Variants in LDLRAD4 observed in about 807,000 individuals in gnomAD.
LDLRAD4 encodes low density lipoprotein receptor class A domain containing 4.
Under a neutral mutation model 17.0 loss-of-function variants are expected in LDLRAD4, and 5 were observed. The ratio of observed to expected loss-of-function variants is 0.29; its 90% confidence interval spans 0.15 to 0.62. LDLRAD4 has a LOEUF of 0.62. LDLRAD4 is among the 20% of genes least tolerant of loss of function. The pLI is 0.84. For synonymous variants in LDLRAD4, 168 were observed against 171.8 expected (o/e 0.98, Z 0.17); for missense variants, 340 against 424.7 (o/e 0.80, Z 1.75).
intron 3 of LDLRAD4, among the ~76,000 whole-genome samples, chr18:13,525,893 T>A (rs1270200929): frequency 6.6e-6 from 1 of 152,250 alleles, no homozygotes; most frequent in Non-Finnish European, 1.5e-5. Flanking sequence ...CCACCCCCTT[T>A]ATCACTCTTC....
intron 3 of LDLRAD4, among the ~76,000 whole-genome samples, chr18:13,469,601 A>G (rs1245548611): frequency 6.6e-6 from 1 of 152,268 alleles, no homozygotes; most frequent in African/African-American, 2.4e-5. Context: ...TGCTAAGTGG[A>G]ATAAGCCAGT....
At chr18:13,410,635 C>G (rs1426727436) in intron 2 of LDLRAD4, among the ~76,000 whole-genome samples, 3 of 152,200 alleles carry the variant, frequency 2.0e-5, no homozygotes, top group Admixed American at 6.5e-5. Flanking sequence ...ATGGCCTACA[C>G]TGGACTTTGA....
intron 3 of LDLRAD4, among the ~76,000 whole-genome samples, chr18:13,591,673 A>G (rs2095031602): frequency 6.6e-6 from 1 of 152,176 alleles, no homozygotes; most frequent in South Asian, 2.1e-4. Flanking sequence ...GGTAAAATAA[A>G]ATACCGCAGA....
chr18:13,222,980 G>T (rs1315489129), intron 1 of LDLRAD4, among the ~76,000 whole-genome samples: 2 of 152,224 alleles, frequency 1.3e-5, no homozygotes, highest in African/African-American at 4.8e-5. Flanking sequence ...AGGCTGTACT[G>T]GCCTGGGAGG....
intron 4 of LDLRAD4, among the ~76,000 whole-genome samples, chr18:13,630,956 T>G (rs1219827296): frequency 6.6e-6 from 1 of 152,206 alleles, no homozygotes; most frequent in Admixed American, 6.5e-5. Flanking sequence ...CTCTCCCTGG[T>G]TGTTTCCAGT....
At chr18:13,373,247 G>T (rs1156973775) in intron 1 of LDLRAD4, among the ~76,000 whole-genome samples, 1 of 151,804 alleles carries the variant, frequency 6.6e-6, no homozygotes, top group Non-Finnish European at 1.5e-5. Flanking sequence ...TAGCGCTCTG[G>T]CTTTATACGC....
chr18:13,306,303 G>A (rs1275254255), intron 1 of LDLRAD4, among the ~76,000 whole-genome samples: 2 of 152,240 alleles, frequency 1.3e-5, no homozygotes, highest in Non-Finnish European at 2.9e-5. Context: ...TCTTTTGATT[G>A]TAGAACAAGA....
At position 13,228,975 on chromosome 18, in the gene LDLRAD4, C is replaced by T. The variant is rs150353395; in HGVS notation, c.-467+9987C>T. Among the ~76,000 whole-genome samples, 237 of 152,322 alleles carry T rather than the reference C, an allele frequency of 1.6e-3. 1 individual carries two copies. Among genetic ancestry groups the T allele is most frequent in the African/African-American group, 5.4e-3 (226 of 41,560 alleles). ...TCTGATGGACTCTTGGTGCATTACCCTCTAATGTGAATCCTCATCCTTTGG... is the reference window on the plus strand; with the variant it reads ...TCTGATGGACTCTTGGTGCATTACCTTCTAATGTGAATCCTCATCCTTTGG... On this transcript the variant is annotated intron_variant, in intron 1 of 5. Coordinates refer to the LDLRAD4 transcript ENST00000399848.
chr18:13,578,168 G>A (rs558408300), intron 3 of LDLRAD4, among the ~76,000 whole-genome samples: 9 of 152,232 alleles, frequency 5.9e-5, no homozygotes, highest in East Asian at 5.8e-4. Context: ...GTGTAGTTAC[G>A]GGGTTTGCAG....
Position 13,449,609 on chromosome 18 carries a change from C to T in LDLRAD4, c.181+11225C>T, listed in dbSNP as rs375426142. On this transcript the variant is annotated intron_variant, in intron 3 of 5. Coordinates refer to ENST00000359446, the Ensembl canonical transcript of LDLRAD4. ...GGGCGTGCACCTGTTCCGGAGAGGG[C>T]CCCTGAGCCAGGCTGTCTGCTGTGG... Among the ~76,000 whole-genome samples, 11 of 152,356 alleles carry T rather than the reference C, an allele frequency of 7.2e-5. No homozygotes were observed. The South Asian group carries it at 2.3e-3, about 32-fold the overall frequency.
intron 1 of LDLRAD4, among the ~76,000 whole-genome samples, chr18:13,326,258 G>C (rs529002684): frequency 5.5e-4 from 84 of 152,272 alleles, no homozygotes; most frequent in Non-Finnish European, 1.5e-4. Flanking sequence ...TTCCTTAAAG[G>C]GGGGAAGGCT....
At chr18:13,492,238 C>G (rs888483156) in intron 3 of LDLRAD4, among the ~76,000 whole-genome samples, 1 of 152,218 alleles carries the variant, frequency 6.6e-6, no homozygotes, top group Admixed American at 6.5e-5. Flanking sequence ...TGGCCTGCCA[C>G]AGGACTCATC....
chr18:13,499,674 C>T (rs937869380), intron 3 of LDLRAD4, among the ~76,000 whole-genome samples: 2 of 150,032 alleles, frequency 1.3e-5, no homozygotes, highest in Admixed American at 6.7e-5. Context: ...TCGCCGCACA[C>T]GTCCTGCCAT....
intron 2 of LDLRAD4, among the ~76,000 whole-genome samples, chr18:13,430,352 T>G (rs2090247515): frequency 6.6e-6 from 1 of 152,170 alleles, no homozygotes; most frequent in Non-Finnish European, 1.5e-5. Flanking sequence ...CACGAGAAGG[T>G]TATGCGAGGT....
intron 1 of LDLRAD4, among the ~76,000 whole-genome samples, chr18:13,312,978 G>A (rs2047322907): frequency 6.6e-6 from 1 of 152,166 alleles, no homozygotes; most frequent in Admixed American, 6.5e-5. Context: ...GGCTCTGTTT[G>A]TGCGTGCTTT....
intron 3 of LDLRAD4, among the ~76,000 whole-genome samples, chr18:13,580,095 CTTCTCCTCAGGATGACT>C (rs1416678829): frequency 6.6e-6 from 1 of 152,200 alleles, no homozygotes; most frequent in Non-Finnish European, 1.5e-5. Context: ...TCCACTGACA[CTTCTCCTCAGGATGACT>C]TTCAGGGCTC....
intron 1 of LDLRAD4, among the ~76,000 whole-genome samples, chr18:13,262,555 C>T (rs1165679581): frequency 7.7e-4 from 70 of 90,542 alleles, no homozygotes; most frequent in African/African-American, 2.0e-3. Flanking sequence ...CGGCTCTGTG[C>T]GTGGAAACTG....
intron 3 of LDLRAD4, among the ~76,000 whole-genome samples, chr18:13,557,408 CT>C (rs369178377): frequency 9.4e-5 from 14 of 149,052 alleles, no homozygotes; most frequent in African/African-American, 1.5e-4. Flanking sequence ...TAGACAAAGC[CT>C]TTTTTTTTTG....
At chr18:13,278,392 C>T (rs1239149251) in intron 1 of LDLRAD4, 3 of 152,248 alleles carry the variant, frequency 2.0e-5, no homozygotes, top group African/African-American at 7.2e-5. Context: ...TTGGGTGACA[C>T]CTGTGTGTTT....
Sources: gnomAD v4.1 joint callset for allele counts (sites outside exome capture counted in the v4.1 genomes callset) on GRCh38, gnomAD v4.1.1 for gene constraint, MANE v1.5 for transcripts, NCBI Gene and HGNC (gene_info 2026-07-23, HGNC 2026-07-21) for gene names.